The following OCLN variants were observed in gnomAD, a reference collection of about 807,000 sequenced individuals.
The protein encoded by OCLN is phosphatase 1, regulatory subunit 115.
A neutral mutation model predicts 47.9 loss-of-function variants in OCLN; 21 were observed. The ratio of observed to expected loss-of-function variants is 0.44; its 90% CI spans 0.31 to 0.63. The LOEUF (loss-of-function observed/expected upper bound fraction) is 0.63. Among genes scored for constraint, OCLN ranks in the 30% least tolerant of loss-of-function variants. The pLI is 0.08. For missense variants in OCLN, 360 were observed against 571.0 expected, an observed-to-expected ratio of 0.63 and a Z score of 3.77; for synonymous variants, 117 against 198.4, an observed-to-expected ratio of 0.59 and a Z score of 3.45.
At chr5:69,525,926 G>A (rs73772569) in intron 4 of OCLN, among the ~76,000 whole-genome samples, 6,330 of 152,142 alleles carry the variant, frequency 0.042, 429 homozygotes, top group African/African-American at 0.14. Flanking sequence ...TTCTCATGCC[G>A]AGTGAACCTT....
intron 4 of OCLN, 119 bp from the exon 5 acceptor site, chr5:69,534,575 G>T: frequency 3.1e-6 from 1 of 324,940 alleles, no homozygotes; most frequent in Non-Finnish European, 5.2e-6. Flanking sequence ...TATTATTAGT[G>T]TTAATAGTAT....
At chr5:69,496,979 A>G (rs545086578) in intron 1 of OCLN, among the ~76,000 whole-genome samples, 6 of 152,268 alleles carry the variant, frequency 3.9e-5, no homozygotes, top group African/African-American at 1.4e-4. Flanking sequence ...CAACACATGT[A>G]CAGATTGTTA....
At chr5:69,511,228 C>T (rs1288217149) in intron 3 of OCLN, among the ~76,000 whole-genome samples, 1 of 146,008 alleles carries the variant, frequency 6.8e-6, no homozygotes, top group East Asian at 2.0e-4. Flanking sequence ...GCACCGGCCA[C>T]CACGCCCAGC....
At chr5:69,549,297 C>T (rs1378925071) in intron 7 of OCLN, among the ~76,000 whole-genome samples, 2 of 110,836 alleles carry the variant, frequency 1.8e-5, no homozygotes, top group African/African-American at 3.5e-5. Context: ...GCCAAGATCG[C>T]GCCACTGCAC....
At chr5:69,514,427 G>C (rs536649407) in intron 4 of OCLN, among the ~76,000 whole-genome samples, 1 of 151,904 alleles carries the variant, frequency 6.6e-6, no homozygotes, top group Non-Finnish European at 1.5e-5. Flanking sequence ...TTATTTTTCT[G>C]CTTATCATTT....
chr5:69,498,057 G>A (rs1045911065), intron 1 of OCLN, among the ~76,000 whole-genome samples: 1 of 151,616 alleles, frequency 6.6e-6, no homozygotes, highest in East Asian at 1.9e-4. Flanking sequence ...GCGTGAACCC[G>A]GGAGGCGGAG....
intron 4 of OCLN, among the ~76,000 whole-genome samples, chr5:69,515,533 G>T: frequency 6.8e-6 from 1 of 148,124 alleles, no homozygotes. Flanking sequence ...CCGGGCGGGG[G>T]GCTGACCCCC....
At chr5:69,527,361 G>T (rs1219363649) in intron 4 of OCLN, among the ~76,000 whole-genome samples, 1 of 152,190 alleles carries the variant, frequency 6.6e-6, no homozygotes, top group Admixed American at 6.5e-5. Context: ...ACGGCTGCTA[G>T]TCTCTGATCA....
chr5:69,527,052 C>T (rs1424406007), intron 4 of OCLN, among the ~76,000 whole-genome samples: 1 of 151,984 alleles, frequency 6.6e-6, no homozygotes, highest in Non-Finnish European at 1.5e-5. Context: ...CCGAGGCGGG[C>T]GGATCACCTG....
In OCLN at chr5:69,494,146, T is replaced by C. The variant is rs1266786615; in HGVS notation, c.-69+1246T>C. 3.9e-5 allele frequency among the ~76,000 whole-genome samples: 6 copies of C among 152,150 alleles called. No homozygotes were observed. The East Asian group carries it at 9.7e-4, about 24-fold the overall frequency. On this transcript the variant is annotated intron_variant, in intron 1 of 8. Coordinates refer to ENST00000396442, the MANE Select transcript of OCLN (RefSeq NM_001205254.2). ...AACTAGGCGTTCCCAAGTGTAACAA[T>C]AGTAACAGTAGTTCTTTTGCACTGT...
chr5:69,508,153 G>A (rs1389234750), intron 2 of OCLN, among the ~76,000 whole-genome samples: 1 of 150,886 alleles, frequency 6.6e-6, no homozygotes, highest in East Asian at 2.0e-4. Flanking sequence ...CTTGATTTTC[G>A]TGCCTCAGCC....
chr5:69,503,988 T>C (rs1370563265), intron 1 of OCLN, among the ~76,000 whole-genome samples, 189 bp from the exon 2 acceptor site: 1 of 151,994 alleles, frequency 6.6e-6, no homozygotes, highest in African/African-American at 2.4e-5. Context: ...TAGTCCTAGC[T>C]ACTTGGGAGG....
At chr5:69,494,310 C>A (rs1318774112) in intron 1 of OCLN, among the ~76,000 whole-genome samples, 1 of 152,130 alleles carries the variant, frequency 6.6e-6, no homozygotes, top group African/African-American at 2.4e-5. Flanking sequence ...GCTCAGCCTC[C>A]CGAATAGCTG....
intron 4 of OCLN, among the ~76,000 whole-genome samples, chr5:69,518,746 G>T (rs1439944165): frequency 1.3e-5 from 2 of 152,150 alleles, no homozygotes; most frequent in African/African-American, 4.8e-5. Flanking sequence ...TTAAAATAGT[G>T]GATGAGAATC....
At chr5:69,529,571 T>A (rs1769373660) in intron 4 of OCLN, among the ~76,000 whole-genome samples, 1 of 152,164 alleles carries the variant, frequency 6.6e-6, no homozygotes, top group South Asian at 2.1e-4. Flanking sequence ...GCTTGTCCTT[T>A]TTGAATGTAA....
At chr5:69,511,506 G>C (rs1433686571) in intron 3 of OCLN, among the ~76,000 whole-genome samples, 3 of 151,948 alleles carry the variant, frequency 2.0e-5, no homozygotes, top group Non-Finnish European at 4.4e-5. Context: ...TGACCTCCTG[G>C]GCTCAAGTGA....
chr5:69,527,874 A>G (rs1294681307), intron 4 of OCLN, among the ~76,000 whole-genome samples: 1 of 151,972 alleles, frequency 6.6e-6, no homozygotes, highest in Non-Finnish European at 1.5e-5. Context: ...TCTTGGCCAA[A>G]AGGGGGTCTT....
At chr5:69,547,380 T>C (rs1447482483) in intron 6 of OCLN, among the ~76,000 whole-genome samples, 2 of 130,946 alleles carry the variant, frequency 1.5e-5, no homozygotes, top group African/African-American at 2.9e-5. Context: ...GAGACTAGCC[T>C]GGCCAACATG....
intron 4 of OCLN, among the ~76,000 whole-genome samples, chr5:69,526,346 G>C (rs1769279507): frequency 6.6e-6 from 1 of 152,204 alleles, no homozygotes; most frequent in African/African-American, 2.4e-5. Flanking sequence ...ACAAAATACT[G>C]GAGTAAACTG....
Sources: gnomAD v4.1 joint callset for allele counts (sites outside exome capture counted in the v4.1 genomes callset) on GRCh38, gnomAD v4.1.1 for gene constraint, MANE v1.5 for transcripts, NCBI Gene and HGNC (gene_info 2026-07-23, HGNC 2026-07-21) for gene names.